Variants in CDH4 observed in about 807,000 individuals in gnomAD.
CDH4 encodes cadherin 4, also known as cadherin-4.
A neutral mutation model predicts 86.0 loss-of-function variants in CDH4; 33 were observed. The ratio of observed to expected loss-of-function variants is 0.38; its 90% CI spans 0.29 to 0.51. CDH4 has a LOEUF of 0.51. Among genes scored for constraint, CDH4 ranks in the 20% least tolerant of loss-of-function variants. The pLI, the probability that CDH4 is intolerant of heterozygous loss-of-function variation, is 0.86. For synonymous variants in CDH4, 555 were observed against 549.4 expected (o/e 1.01, Z -0.14); for missense variants, 1,114 against 1,307.4 (o/e 0.85, Z 2.28).
At chr20:61,768,322 T>A (rs2088726683) in intron 3 of CDH4, among the ~76,000 whole-genome samples, 1 of 152,216 alleles carries the variant, frequency 6.6e-6, no homozygotes, top group African/African-American at 2.4e-5. Context: ...CCCATACATC[T>A]GTGCATATTT....
At chr20:61,565,357 G>GAC (rs2086285356) in intron 2 of CDH4, among the ~76,000 whole-genome samples, 1 of 41,394 alleles carries the variant, frequency 2.4e-5, no homozygotes, top group Non-Finnish European at 4.8e-5. Flanking sequence ...TCTTGGTGAT[G>GAC]GGGTGATGGT....
chr20:61,656,545 G>A (rs563728094), intron 2 of CDH4, among the ~76,000 whole-genome samples: 1 of 152,224 alleles, frequency 6.6e-6, no homozygotes, highest in Non-Finnish European at 1.5e-5. Flanking sequence ...CTGTTGTGGG[G>A]CGCAGCCTCC....
chr20:61,780,275 G>T (rs1240408995), intron 4 of CDH4, among the ~76,000 whole-genome samples: 1 of 152,066 alleles, frequency 6.6e-6, no homozygotes, highest in Non-Finnish European at 1.5e-5. Flanking sequence ...AGCCTGGAGG[G>T]TTTTCCCGGT....
At chr20:61,403,521 G>C (rs2085061842) in intron 2 of CDH4, among the ~76,000 whole-genome samples, 1 of 152,134 alleles carries the variant, frequency 6.6e-6, no homozygotes, top group South Asian at 2.1e-4. Flanking sequence ...TGTGGGCCCT[G>C]TCTCCCTGGT....
At chr20:61,614,710 A>G (rs1291568866) in intron 2 of CDH4, among the ~76,000 whole-genome samples, 1 of 152,116 alleles carries the variant, frequency 6.6e-6, no homozygotes, top group East Asian at 1.9e-4. Context: ...AAGCAAGGGA[A>G]AAAGAAAAGC....
At chr20:61,554,145 A>G (rs557174467) in intron 2 of CDH4, among the ~76,000 whole-genome samples, 2 of 152,298 alleles carry the variant, frequency 1.3e-5, no homozygotes, top group East Asian at 1.9e-4. Context: ...TCATTTGAAG[A>G]CAGAGCTATG....
At chr20:61,303,405 A>G (rs2084396211) in intron 2 of CDH4, among the ~76,000 whole-genome samples, 1 of 152,190 alleles carries the variant, frequency 6.6e-6, no homozygotes, top group African/African-American at 2.4e-5. Context: ...GGGGACAGCA[A>G]GGGGCTCGAG....
At chr20:61,908,094 G>T (rs538279347) in intron 8 of CDH4, among the ~76,000 whole-genome samples, 1 of 152,176 alleles carries the variant, frequency 6.6e-6, no homozygotes, top group Non-Finnish European at 1.5e-5. Context: ...GGTCGAGGAG[G>T]CTGATTAAAG....
intron 4 of CDH4, among the ~76,000 whole-genome samples, chr20:61,777,618 ACG>A (rs2088856519): frequency 6.6e-6 from 1 of 151,730 alleles, no homozygotes; most frequent in Non-Finnish European, 1.5e-5. Flanking sequence ...ATGCGCACAC[ACG>A]TGCATACAAA....
chr20:61,799,300 G>C (rs1217603723), intron 4 of CDH4, among the ~76,000 whole-genome samples: 1 of 152,202 alleles, frequency 6.6e-6, no homozygotes, highest in Non-Finnish European at 1.5e-5. Flanking sequence ...GCGAAACCCA[G>C]CTGCTACCTC....
chr20:61,539,599 A>G (rs1282503076), intron 2 of CDH4, among the ~76,000 whole-genome samples: 1 of 152,194 alleles, frequency 6.6e-6, no homozygotes, highest in Non-Finnish European at 1.5e-5. Context: ...AAATACAGCC[A>G]TGTTCTGACG....
Position 61,254,954 on chromosome 20 carries a change from AG to A in CDH4, c.169+21del. On this transcript the variant is annotated intron_variant, in intron 2 of 15. Transcript: ENST00000614565. ...TACTTCAAGGTAAGGCGGGGTGTGG[AG>A]GGGTGGGAGTGAATTGCTGCCATGC... 1 of 1,304,780 alleles carries A rather than the reference AG, an allele frequency of 7.7e-7. No homozygotes were observed. Among genetic ancestry groups the A allele is most frequent in the Non-Finnish European group, 1.1e-6 (1 of 899,900 alleles). The allele number at this position is 1,304,780 out of a possible 1,614,324, so 80.8% of individuals were successfully genotyped here.
chr20:61,262,643 C>T (rs2084133891), intron 2 of CDH4, among the ~76,000 whole-genome samples: 1 of 152,180 alleles, frequency 6.6e-6, no homozygotes, highest in African/African-American at 2.4e-5. Context: ...GTGTGCATCC[C>T]TGTATTGTGT....
chr20:61,271,419 A>G (rs961783739), intron 2 of CDH4, among the ~76,000 whole-genome samples: 8 of 152,186 alleles, frequency 5.3e-5, no homozygotes, highest in African/African-American at 1.7e-4. Flanking sequence ...TTCCTAAGTG[A>G]TAGAAGACAG....
At chr20:61,844,585 G>T in intron 4 of CDH4, 83 bp from the exon 5 acceptor site, 2 of 1,349,768 alleles carry the variant, frequency 1.5e-6, no homozygotes, top group Non-Finnish European at 2.1e-6. Context: ...AGGAACTCAT[G>T]AGAGGGGATG....
At chr20:61,885,117 G>C (rs1369722042) in intron 7 of CDH4, among the ~76,000 whole-genome samples, 1 of 152,108 alleles carries the variant, frequency 6.6e-6, no homozygotes, top group Non-Finnish European at 1.5e-5. Flanking sequence ...AAGGCAGCGG[G>C]GACTGAAGTC....
intron 2 of CDH4, among the ~76,000 whole-genome samples, chr20:61,343,087 G>A (rs1337240095): frequency 1.3e-5 from 2 of 152,192 alleles, no homozygotes; most frequent in Non-Finnish European, 2.9e-5. Context: ...GAGTTCTTAG[G>A]CTCTGGATGC....
chr20:61,331,398 G>A (rs1568800929), intron 2 of CDH4, among the ~76,000 whole-genome samples: 5 of 151,972 alleles, frequency 3.3e-5, no homozygotes, highest in African/African-American at 4.8e-5. Context: ...TCCCTTCGCC[G>A]GCACCCAGAG....
intron 2 of CDH4, among the ~76,000 whole-genome samples, chr20:61,451,558 T>C (rs753205041): frequency 6.6e-6 from 1 of 152,206 alleles, no homozygotes; most frequent in South Asian, 2.1e-4. Context: ...CTCTTCTACC[T>C]TCCAAGTAGG....
Sources: allele counts gnomAD v4.1 joint callset (sites outside exome capture counted in the v4.1 genomes callset), GRCh38; gene constraint gnomAD v4.1.1; transcripts MANE v1.5; gene names NCBI Gene and HGNC (gene_info 2026-07-23, HGNC 2026-07-21).